Variants in CNOT2 observed in about 807,000 individuals in gnomAD.
CNOT2 encodes CC chemokine receptor 4-negative regulator of transcription 2.
CNOT2 carries 7 observed loss-of-function variants against 72.1 expected under a neutral mutation model. The observed-to-expected ratio is 0.10, with a 90% CI of 0.06 to 0.18. The LOEUF is 0.18. CNOT2 is among the 10% of genes least tolerant of loss of function. CNOT2 has a pLI of 1.00. For missense variants in CNOT2, 345 were observed against 660.3 expected, an observed-to-expected ratio of 0.52 and a Z score of 5.23; for synonymous variants, 196 against 225.6, an observed-to-expected ratio of 0.87 and a Z score of 1.17.
chr12:70,318,999 A>G (rs1225432988), intron 3 of CNOT2: 1 of 205,460 alleles, frequency 4.9e-6, no homozygotes, highest in Non-Finnish European at 9.8e-6. Context: ...TGTCTATATA[A>G]TTTTATTTTT....
chr12:70,280,295 A>G (rs941248741), intron 2 of CNOT2, among the ~76,000 whole-genome samples: 1 of 152,192 alleles, frequency 6.6e-6, no homozygotes, highest in Admixed American at 6.5e-5. Flanking sequence ...ATCACTAAGT[A>G]AAAACAAAAG....
chr12:70,268,405 A>G (rs1413635645), intron 1 of CNOT2, among the ~76,000 whole-genome samples: 1 of 151,996 alleles, frequency 6.6e-6, no homozygotes, highest in African/African-American at 2.4e-5. Context: ...TATTGTGCCT[A>G]TGTGGTGGTT....
chr12:70,262,947 AC>A (rs1958852124), intron 1 of CNOT2, among the ~76,000 whole-genome samples: 1 of 152,204 alleles, frequency 6.6e-6, no homozygotes, highest in South Asian at 2.1e-4. Context: ...TACTGAGATA[AC>A]AGGCATGAGC....
chr12:70,330,726 C>G (rs1029275841), intron 6 of CNOT2: 1 of 357,262 alleles, frequency 2.8e-6, no homozygotes, highest in African/African-American at 2.1e-5. Context: ...CGCCACCAGG[C>G]AAATTTTGGT....
intron 15 of CNOT2, among the ~76,000 whole-genome samples, chr12:70,348,758 G>T (rs914520123): frequency 6.6e-6 from 1 of 151,894 alleles, no homozygotes; most frequent in Non-Finnish European, 1.5e-5. Flanking sequence ...ATTAATGTAG[G>T]ACTCCTTTAA....
chr12:70,329,150 T>C (rs1166845262), intron 4 of CNOT2, among the ~76,000 whole-genome samples: 1 of 151,938 alleles, frequency 6.6e-6, no homozygotes, highest in Non-Finnish European at 1.5e-5. Flanking sequence ...TTCATAATAT[T>C]GTAACTTGTT....
intron 2 of CNOT2, among the ~76,000 whole-genome samples, chr12:70,299,198 G>C (rs1480195805): frequency 6.6e-6 from 1 of 151,904 alleles, no homozygotes; most frequent in South Asian, 2.1e-4. Context: ...TAAACCACCA[G>C]ATCTCATGAG....
chr12:70,322,786 G>C (rs1565811452), intron 4 of CNOT2: 1 of 151,782 alleles, frequency 6.6e-6, no homozygotes, highest in Non-Finnish European at 1.5e-5. Flanking sequence ...GGGTGGTTCA[G>C]AAGTGATGCT....
intron 1 of CNOT2, among the ~76,000 whole-genome samples, chr12:70,256,582 T>TAA (rs372870920): frequency 0.073 from 7,956 of 108,298 alleles, 410 homozygotes; most frequent in East Asian, 0.16. Flanking sequence ...GACCTGTGGG[T>TAA]AAAAAAAAAA....
intron 1 of CNOT2, among the ~76,000 whole-genome samples, chr12:70,256,681 A>T (rs1188549237): frequency 6.6e-6 from 1 of 151,990 alleles, no homozygotes; most frequent in Non-Finnish European, 1.5e-5. Flanking sequence ...TTCCAAGCCT[A>T]TAACCTAGAG....
chr12:70,257,227 C>G (rs544230151), intron 1 of CNOT2, among the ~76,000 whole-genome samples: 2 of 152,166 alleles, frequency 1.3e-5, no homozygotes, highest in African/African-American at 4.8e-5. Flanking sequence ...TTAGTATTCT[C>G]TCTGTAAGAA....
chr12:70,348,056 C>T (rs924579542), intron 15 of CNOT2: 3 of 151,928 alleles, frequency 2.0e-5, no homozygotes, highest in Non-Finnish European at 2.9e-5. Flanking sequence ...GTGAGATTTT[C>T]CTCTAAGTTT....
At chr12:70,345,655 A>G (rs564306097) in intron 14 of CNOT2, 1 of 152,176 alleles carries the variant, frequency 6.6e-6, no homozygotes, top group Non-Finnish European at 1.5e-5. Context: ...AGAATCTGAA[A>G]TTTGAATAAA....
chr12:70,350,829 A>G (rs1160832486), intron 15 of CNOT2, among the ~76,000 whole-genome samples: 2 of 152,212 alleles, frequency 1.3e-5, no homozygotes, highest in African/African-American at 4.8e-5. Context: ...GATAAGAGAT[A>G]CTCAACATGT....
chr12:70,312,958 A>G (rs1349624176), intron 3 of CNOT2, among the ~76,000 whole-genome samples: 1 of 152,024 alleles, frequency 6.6e-6, no homozygotes, highest in Non-Finnish European at 1.5e-5. Context: ...ATTTTTATTG[A>G]AAAATACACA....
chr12:70,314,746 GTTACCTGAT>G (rs1417683887), intron 3 of CNOT2, among the ~76,000 whole-genome samples: 1 of 152,062 alleles, frequency 6.6e-6, no homozygotes, highest in Non-Finnish European at 1.5e-5. Context: ...CATATCATCA[GTTACCTGAT>G]TTGTAAGCTA....
chr12:70,284,993 C>G (rs182189384), intron 2 of CNOT2, among the ~76,000 whole-genome samples: 1 of 151,766 alleles, frequency 6.6e-6, no homozygotes, highest in Non-Finnish European at 1.5e-5. Context: ...CCTGTGTGTT[C>G]GCTCTGGTGT....
chr12:70,308,417 G>T (rs1215746257), intron 2 of CNOT2, among the ~76,000 whole-genome samples: 9 of 151,998 alleles, frequency 5.9e-5, no homozygotes, highest in African/African-American at 2.2e-4. Context: ...CCCTCCATCT[G>T]TCTTTCTCTC....
chr12:70,335,860 T>G, intron 8 of CNOT2: 3 of 206,458 alleles, frequency 1.5e-5, no homozygotes, highest in Non-Finnish European at 2.9e-5. Flanking sequence ...CTTAAGTGTT[T>G]TATTTTGTGG....
Sources: allele counts gnomAD v4.1 joint callset (sites outside exome capture counted in the v4.1 genomes callset), GRCh38; gene constraint gnomAD v4.1.1; transcripts MANE v1.5; gene names NCBI Gene and HGNC (gene_info 2026-07-23, HGNC 2026-07-21).